Variants in PKIB observed in about 807,000 individuals in gnomAD.
The protein encoded by PKIB is PKI-beta.
A neutral mutation model predicts 4.5 loss-of-function variants in PKIB; 2 were observed. That is an observed-to-expected ratio of 0.44 (90% confidence interval 0.18 to 1.39). The LOEUF (loss-of-function observed/expected upper bound fraction) is 1.39, where lower values mean the gene tolerates loss of function less well. Ranked by LOEUF, PKIB falls within the 40% of genes most tolerant of loss-of-function variation. The pLI is 0.27. For synonymous variants in PKIB, 38 were observed against 36.0 expected, an observed-to-expected ratio of 1.06 and a Z score of -0.20; for missense variants, 94 against 92.6, an observed-to-expected ratio of 1.02 and a Z score of -0.06.
intron 3 of PKIB, among the ~76,000 whole-genome samples, chr6:122,597,356 A>T (rs115159757): frequency 3.3e-5 from 5 of 152,240 alleles, no homozygotes; most frequent in Admixed American, 3.3e-4. Flanking sequence ...GCTGAAGGCA[A>T]ATCACTTCTG....
intron 2 of PKIB, among the ~76,000 whole-genome samples, chr6:122,541,396 A>G (rs1315495467): frequency 6.6e-6 from 1 of 151,552 alleles, no homozygotes; most frequent in Non-Finnish European, 1.5e-5. Flanking sequence ...AAAATCTCTC[A>G]GCATTTGCTT....
intron 3 of PKIB, among the ~76,000 whole-genome samples, chr6:122,693,341 C>A (rs1324403262): frequency 1.3e-5 from 2 of 152,164 alleles, no homozygotes; most frequent in Non-Finnish European, 2.9e-5. Context: ...TTAAAATTAT[C>A]TTTAATTATA....
intron 2 of PKIB, among the ~76,000 whole-genome samples, chr6:122,639,460 TC>T (rs1170087947): frequency 6.6e-6 from 1 of 152,196 alleles, no homozygotes; most frequent in African/African-American, 2.4e-5. Context: ...GAGTGCTTAT[TC>T]CATTTACCCT....
chr6:122,637,901 TCAA>T (rs1775987463), intron 2 of PKIB, among the ~76,000 whole-genome samples: 1 of 152,176 alleles, frequency 6.6e-6, no homozygotes, highest in Non-Finnish European at 1.5e-5. Context: ...GTAGAGGATT[TCAA>T]CAAGACAGTT....
intron 2 of PKIB, among the ~76,000 whole-genome samples, chr6:122,671,023 G>A (rs980221107): frequency 4.6e-5 from 7 of 152,196 alleles, no homozygotes; most frequent in Admixed American, 2.0e-4. Flanking sequence ...GCCAGGCGCG[G>A]TGGCTCACGC....
In PKIB at chr6:122,635,371, T is replaced by G. The variant is rs2114832441; in HGVS notation, c.-76+2004T>G. Among the ~76,000 whole-genome samples the G allele has an allele frequency of 1.3e-5, 2 of 152,206 alleles. 1 individual carries two copies. Among genetic ancestry groups the G allele is most frequent in the South Asian group, 4.2e-4 (2 of 4,816 alleles). On this transcript the variant is annotated intron_variant, in intron 2 of 4. Coordinates refer to ENST00000368452, the MANE Select transcript of PKIB (RefSeq NM_181795.3). ...GACCAGCTTGAATAGAAATGTTTGA[T>G]GGGAGCTAAAACACTACGTTTAAGT...
At chr6:122,514,188 CT>C (rs955206444) in intron 2 of PKIB, among the ~76,000 whole-genome samples, 2 of 152,100 alleles carry the variant, frequency 1.3e-5, no homozygotes, top group South Asian at 4.2e-4. Context: ...GAATGCTTGC[CT>C]TTTTTTGGCT....
intron 2 of PKIB, among the ~76,000 whole-genome samples, chr6:122,563,003 G>A (rs1397933632): frequency 6.6e-6 from 1 of 152,028 alleles, no homozygotes. Context: ...CATTGCTGGT[G>A]CACTACTGTG....
At chr6:122,528,690 A>G (rs1266011009) in intron 2 of PKIB, among the ~76,000 whole-genome samples, 1 of 152,096 alleles carries the variant, frequency 6.6e-6, no homozygotes, top group Non-Finnish European at 1.5e-5. Flanking sequence ...TCAGGAGTTC[A>G]AGATTAGCTT....
chr6:122,653,569 A>T (rs772761707), intron 2 of PKIB, among the ~76,000 whole-genome samples: 3 of 149,906 alleles, frequency 2.0e-5, no homozygotes, highest in Non-Finnish European at 4.4e-5. Context: ...GGGGAATTTG[A>T]CTCCGAAACA....
At chr6:122,572,690 C>A (rs1773406710) in intron 2 of PKIB, among the ~76,000 whole-genome samples, 2 of 148,602 alleles carry the variant, frequency 1.3e-5, no homozygotes, top group Admixed American at 6.7e-5. Context: ...AAAGCTGGTT[C>A]TTTGAAAAGA....
intron 2 of PKIB, among the ~76,000 whole-genome samples, chr6:122,560,349 T>C (rs959751693): frequency 9.2e-5 from 14 of 152,178 alleles, no homozygotes; most frequent in African/African-American, 1.7e-4. Context: ...ATCACACTTA[T>C]TGACTTGCAT....
chr6:122,606,156 G>C (rs1236323883), upstream of PKIB, among the ~76,000 whole-genome samples: 1 of 152,212 alleles, frequency 6.6e-6, no homozygotes. Context: ...GTCCTTATAA[G>C]AAGAGGGGAA....
At chr6:122,576,689 A>AAAATATATATATAT (rs1345822382) in intron 2 of PKIB, among the ~76,000 whole-genome samples, 89 of 34,294 alleles carry the variant, frequency 2.6e-3, no homozygotes, top group Non-Finnish European at 3.5e-3. Flanking sequence ...AAAAAAAAAA[A>AAAATATATATATAT]ATATATATAT....
upstream of PKIB, among the ~76,000 whole-genome samples, chr6:122,607,646 A>G (rs1774590409): frequency 6.6e-6 from 1 of 152,042 alleles, no homozygotes; most frequent in Non-Finnish European, 1.5e-5. Flanking sequence ...AATACCACCA[A>G]CCTCATAAAC....
chr6:122,574,439 G>A (rs1038635920), intron 2 of PKIB, among the ~76,000 whole-genome samples: 1 of 152,040 alleles, frequency 6.6e-6, no homozygotes, highest in Non-Finnish European at 1.5e-5. Flanking sequence ...AATCACAAAA[G>A]AGCCTATAGC....
At position 122,538,708 on chromosome 6, in the gene PKIB, C is replaced by G. The variant is rs1228223010; in HGVS notation, c.-247-47213C>G. 5.3e-5 allele frequency among the ~76,000 whole-genome samples: 8 copies of G among 152,054 alleles called. No homozygotes were observed. In the East Asian group the frequency reaches 1.5e-3, roughly 29 times the overall value. On this transcript the variant is annotated intron_variant, in intron 2 of 6. Coordinates refer to the PKIB transcript ENST00000392491. ...AACTTTAAAGTAGTTTTTTCCAATT[C>G]TGTGAAGAAAGTCATTGGTAGCTTG...
intron 2 of PKIB, among the ~76,000 whole-genome samples, chr6:122,641,246 A>T (rs966692333): frequency 6.6e-6 from 1 of 152,130 alleles, no homozygotes; most frequent in African/African-American, 2.4e-5. Flanking sequence ...ATATATGTAG[A>T]TATATATAGT....
At chr6:122,581,651 C>A (rs1773708126) in intron 2 of PKIB, 1 of 152,036 alleles carries the variant, frequency 6.6e-6, no homozygotes, top group South Asian at 2.1e-4. Context: ...CATAATCCTC[C>A]TTTTAACGTG....
Sources: allele counts gnomAD v4.1 joint callset (sites outside exome capture counted in the v4.1 genomes callset), GRCh38; gene constraint gnomAD v4.1.1; transcripts MANE v1.5; gene names NCBI Gene and HGNC (gene_info 2026-07-23, HGNC 2026-07-21).